ADGRL1: variants seen among roughly 807,000 people sequenced by gnomAD.
ADGRL1 encodes the protein adhesion G protein-coupled receptor L1.
A neutral mutation model predicts 148.9 loss-of-function variants in ADGRL1; 31 were observed. That is an observed-to-expected ratio of 0.21 (90% CI 0.16 to 0.28). The LOEUF is 0.28. Among genes scored for constraint, ADGRL1 ranks in the 10% least tolerant of loss-of-function variants. The pLI is 1.00. For synonymous variants in ADGRL1, 937 were observed against 900.3 expected, an observed-to-expected ratio of 1.04 and a Z score of -0.73; for missense variants, 1,521 against 2,058.8, an observed-to-expected ratio of 0.74 and a Z score of 5.05.
rs577230822 is a variant in ADGRL1 at position 14,202,475 on chromosome 19, G to A, written c.-96+3510C>T. Among the ~76,000 whole-genome samples the A allele has an allele frequency of 3.9e-5, 6 of 151,972 alleles. No individual in the cohort carries two copies. The East Asian group carries it at 9.7e-4, about 25-fold the overall frequency. On this transcript the variant is annotated intron_variant, in intron 1 of 22. Coordinates refer to ENST00000361434, the MANE Select transcript of ADGRL1 (RefSeq NM_014921.5). ...ACCATGTTGGCCAGGCTGGTCTCGAGCCCCTGACCTCAGGTGATCCACCCG... is the reference window on the plus strand; with the variant it reads ...ACCATGTTGGCCAGGCTGGTCTCGAACCCCTGACCTCAGGTGATCCACCCG...
At position 14,151,199 on chromosome 19, in the gene ADGRL1, C is replaced by T. The variant is rs139670254; in HGVS notation, c.4084G>A (p.Glu1362Lys). 5.6e-6 allele frequency: 9 copies of T among 1,611,204 alleles called. No homozygotes were observed. The highest frequency in any genetic ancestry group is 2.2e-5 in the East Asian group (1 of 44,856). The change falls in exon 23 of 23, where the codon GAG becomes AAG. Residue 1362 changes from glutamate (E) to lysine (K), a missense_variant. Around this residue, in one of 8 missense-constraint regions of ADGRL1, gnomAD observed 390 missense variants for 375.0 expected, o/e 1.04. Coordinates refer to ENST00000361434, the MANE Select transcript of ADGRL1 (RefSeq NM_014921.5). ...AGGGGCCGGCTGGTGGCGCCGTCCT[C>T]GGCCGTGCAGCTCTCCGACTCGTCC... ...DLDESESCTA[E>K]DGATSRPLSS...
Position 14,151,202 on chromosome 19 carries a change from C to T in ADGRL1, c.4081G>A (p.Ala1361Thr), listed in dbSNP as rs1231706891. Residue 1361 changes from alanine to threonine, a missense_variant, in exon 23 of 23, where the codon GCC (alanine) becomes ACC (threonine). Ala to Thr is a moderately conservative substitution (Grantham distance 58). Coordinates refer to ENST00000361434, the MANE Select transcript of ADGRL1 (RefSeq NM_014921.5). ...SDLDESESCT[A>T]EDGATSRPLS... ...GGCCGGCTGGTGGCGCCGTCCTCGG[C>T]CGTGCAGCTCTCCGACTCGTCCAGA... is the stretch of plus-strand genomic sequence containing the variant. 6.2e-7 allele frequency: 1 copy of T among 1,611,304 alleles called. No homozygotes were observed. The highest frequency in any genetic ancestry group is 1.3e-5 in the African/African-American group (1 of 74,852).
chr19:14,177,532 T>C lies in ADGRL1; in HGVS notation c.283A>G (p.Arg95Gly). Reference protein sequence around the residue: ...LPDAFKIMSQRCNNRTQCVVV... With the variant: ...LPDAFKIMSQGCNNRTQCVVV... ...GAACTGCCACGAGAGCCCACTCACC[T>C]CTGTGACATGATCTTGAAGGCGTCC... The change falls in exon 3 of 23, where the codon AGG (arginine) becomes GGG (glycine). Residue 95 changes from arginine (R) to glycine (G), a missense_variant and splice_region_variant. By Grantham distance (125) the Arg-to-Gly change is moderately radical (BLOSUM62 -2). Coordinates refer to ENST00000361434, the MANE Select transcript of ADGRL1 (RefSeq NM_014921.5). The C allele has an allele frequency of 1.2e-6, 2 of 1,614,032 alleles. No individual in the cohort carries two copies. Among genetic ancestry groups the C allele is most frequent in the Non-Finnish European group, 1.7e-6 (2 of 1,179,898 alleles).
rs528949893 is a variant in ADGRL1 at position 14,196,760 on chromosome 19, C to T, written c.-96+9225G>A. 2.6e-5 allele frequency among the ~76,000 whole-genome samples: 4 copies of T among 152,288 alleles called. 1 individual carries two copies. The highest frequency in any genetic ancestry group is 4.1e-4 in the South Asian group (2 of 4,824). On this transcript the variant is annotated intron_variant, in intron 1 of 22. Transcript: ENST00000361434. ...ATCTTCCTTTTGGTCTTTCCTCAAACATCACTAGTTCAGCAAGGTCCTGCT... is the reference window on the plus strand; with the variant it reads ...ATCTTCCTTTTGGTCTTTCCTCAAATATCACTAGTTCAGCAAGGTCCTGCT...
intron 1 of ADGRL1, among the ~76,000 whole-genome samples, chr19:14,189,698 C>T (rs1469097490): frequency 6.6e-6 from 1 of 152,182 alleles, no homozygotes; most frequent in Non-Finnish European, 1.5e-5. Flanking sequence ...GGCTGTTGCA[C>T]AGAAGGATCC....
chr19:14,182,608 A>C (rs1054640584), intron 2 of ADGRL1, among the ~76,000 whole-genome samples: 1 of 152,156 alleles, frequency 6.6e-6, no homozygotes, highest in Non-Finnish European at 1.5e-5. Flanking sequence ...TTCCTCCAGC[A>C]CCATCTGCCT....
At chr19:14,165,575 C>A (rs1310960285) in intron 4 of ADGRL1, among the ~76,000 whole-genome samples, 1 of 152,144 alleles carries the variant, frequency 6.6e-6, no homozygotes, top group African/African-American at 2.4e-5. Context: ...CCTCCCTTGC[C>A]CCGTCACCCC....
At chr19:14,173,207 C>T (rs1177809590) in intron 3 of ADGRL1, among the ~76,000 whole-genome samples, 1 of 152,198 alleles carries the variant, frequency 6.6e-6, no homozygotes, top group South Asian at 2.1e-4. Flanking sequence ...ACAATCTACC[C>T]GTCTCGACCT....
chr19:14,177,733 C>T lies in ADGRL1; in HGVS notation c.82G>A (p.Ala28Thr). The change falls in exon 3 of 23, where the codon GCC becomes ACC. Residue 28 changes from alanine (A) to threonine (T), a missense_variant. Transcript: ENST00000361434. ...VTSATQGLSR[A>T]GLPFGLMRRE... Reference sequence around the variant, plus strand: ...CGCATCAGCCCGAACGGGAGCCCGGCCCGGCTCAGGCCTGCAGGGAGGGTT... The same window carrying T: ...CGCATCAGCCCGAACGGGAGCCCGGTCCGGCTCAGGCCTGCAGGGAGGGTT... The T allele has an allele frequency of 6.2e-7, 1 of 1,611,502 alleles. No homozygotes were observed. Among genetic ancestry groups the T allele is most frequent in the Middle Eastern group, 1.7e-4 (1 of 6,050 alleles).
At chr19:14,190,392 G>A (rs778580123) in intron 1 of ADGRL1, among the ~76,000 whole-genome samples, 2 of 152,152 alleles carry the variant, frequency 1.3e-5, no homozygotes, top group Admixed American at 6.5e-5. Flanking sequence ...TCAGCCTTCC[G>A]TGTAGCTGGA....
At chr19:14,201,403 G>C (rs1249832197) in intron 1 of ADGRL1, among the ~76,000 whole-genome samples, 2 of 128,624 alleles carry the variant, frequency 1.6e-5, no homozygotes, top group Non-Finnish European at 3.1e-5. Context: ...ACAGGAGACA[G>C]TGAAGGCAGG....
chr19:14,154,452 G>A (rs1968524284), intron 18 of ADGRL1, among the ~76,000 whole-genome samples: 1 of 152,166 alleles, frequency 6.6e-6, no homozygotes, highest in Non-Finnish European at 1.5e-5. Context: ...CCCAGCTACT[G>A]TTGTCCCCTT....
At chr19:14,172,308 G>C (rs1204079326) in intron 3 of ADGRL1, among the ~76,000 whole-genome samples, 1 of 152,114 alleles carries the variant, frequency 6.6e-6, no homozygotes, top group African/African-American at 2.4e-5. Flanking sequence ...TGTAATCCCA[G>C]CTACACAGGA....
At chr19:14,202,321 C>T (rs1599530788) in intron 1 of ADGRL1, among the ~76,000 whole-genome samples, 1 of 151,824 alleles carries the variant, frequency 6.6e-6, no homozygotes, top group Non-Finnish European at 1.5e-5. Context: ...GGCACAATCT[C>T]GGCTCGCTGC....
chr19:14,170,550 G>T (rs770161411), intron 4 of ADGRL1, 132 bp downstream of exon 4: 1 of 612,214 alleles, frequency 1.6e-6, no homozygotes, highest in Non-Finnish European at 3.0e-6. Context: ...GTGTTGGAGA[G>T]AGCAGGCCCG....
At position 14,155,289 on chromosome 19, in the gene ADGRL1, C is replaced by T. The variant is rs1968607664; in HGVS notation, c.3294+70G>A. 33 of 1,559,024 alleles carry T rather than the reference C, an allele frequency of 2.1e-5. No homozygotes were observed. Among genetic ancestry groups the T allele is most frequent in the Middle Eastern group, 3.4e-4 (2 of 5,852 alleles). ...GCCCCTGAGTCCCCTCCACCCTCGC[C>T]GCCTTCTCCTGGGTACCCAGGAAAC... On this transcript the variant is annotated intron_variant, in intron 18 of 22. Coordinates refer to ENST00000361434, the MANE Select transcript of ADGRL1 (RefSeq NM_014921.5). The surrounding 1 kb of genome is among the most constrained non-coding windows in gnomAD (Gnocchi z 5.0).
chr19:14,197,164 C>A (rs142237512), intron 1 of ADGRL1, among the ~76,000 whole-genome samples: 1 of 151,982 alleles, frequency 6.6e-6, no homozygotes, highest in Non-Finnish European at 1.5e-5. Context: ...CCTGGCTACT[C>A]GGGAGGCTGA....
Position 14,155,095 on chromosome 19 carries a change from C to A in ADGRL1, c.3294+264G>T. ...TGGCCCTCATGGTGGTGAGGGTTCC[C>A]CATTACCAAATCTGTTCTGCTCTCA... On this transcript the variant is annotated intron_variant, in intron 18 of 22. Coordinates refer to ENST00000361434, the MANE Select transcript of ADGRL1 (RefSeq NM_014921.5). The surrounding 1 kb of genome is among the most constrained non-coding windows in gnomAD (Gnocchi z 5.0). 3.9e-6 allele frequency: 1 copy of A among 257,560 alleles called. No individual in the cohort carries two copies. The allele number at this position is 257,560 out of a possible 1,614,324, so 16.0% of individuals were successfully genotyped here. A position where few individuals can be genotyped will look rare whatever the true frequency, so the allele number is the denominator to read the frequency against.
intron 2 of ADGRL1, among the ~76,000 whole-genome samples, chr19:14,179,882 C>T (rs557078152): frequency 8.2e-4 from 125 of 152,288 alleles, no homozygotes; most frequent in Non-Finnish European, 1.4e-3. Flanking sequence ...TGCCACTGTA[C>T]TCCAGCCTGG....
Sources: allele counts gnomAD v4.1 joint callset (sites outside exome capture counted in the v4.1 genomes callset), GRCh38; gene constraint gnomAD v4.1.1; regional missense constraint gnomAD v4.1.1; non-coding constraint Gnocchi (gnomAD v3.1); transcripts MANE v1.5; gene names NCBI Gene and HGNC (gene_info 2026-07-23, HGNC 2026-07-21).